ELP4: variants seen among roughly 807,000 people sequenced by gnomAD.
The protein encoded by ELP4 is elongator acetyltransferase complex subunit 4, also known as elongator complex protein 4.
ELP4 carries 51 observed loss-of-function variants against 48.9 expected under a neutral mutation model. The observed-to-expected ratio is 1.04, with a 90% CI of 0.83 to 1.32. The LOEUF is 1.32. ELP4 is among the 40% of genes most tolerant of loss of function. The probability of loss-of-function intolerance (pLI) is 0.00; values close to 1 mark genes in which losing one functional copy is unlikely to be tolerated. For missense variants in ELP4, 519 were observed against 514.6 expected (o/e 1.01, Z -0.08); for synonymous variants, 210 against 189.2 (o/e 1.11, Z -0.90).
At chr11:31,692,704 G>C (rs571366493) in intron 9 of ELP4, among the ~76,000 whole-genome samples, 4 of 152,040 alleles carry the variant, frequency 2.6e-5, no homozygotes, top group Non-Finnish European at 1.5e-5. Flanking sequence ...TTCCTCGAAG[G>C]CTCATTCACA....
chr11:31,577,156 C>A (rs994497607), intron 3 of ELP4, among the ~76,000 whole-genome samples: 1 of 152,144 alleles, frequency 6.6e-6, no homozygotes, highest in Admixed American at 6.6e-5. Flanking sequence ...ACTATAAACA[C>A]CTCTACGCAA....
intron 1 of ELP4, among the ~76,000 whole-genome samples, chr11:31,516,648 C>T (rs936593973): frequency 9.9e-5 from 15 of 152,088 alleles, no homozygotes; most frequent in African/African-American, 3.4e-4. Context: ...GGTGGCAGCA[C>T]GCCTTGCTAA....
intron 9 of ELP4, among the ~76,000 whole-genome samples, chr11:31,773,939 G>A (rs138198907): frequency 0.011 from 1,697 of 152,300 alleles, 30 homozygotes; most frequent in African/African-American, 0.039. Context: ...CAGCTGCTCA[G>A]GAGGCTGAGG....
At chr11:31,700,194 C>T (rs190582257) in intron 9 of ELP4, among the ~76,000 whole-genome samples, 32 of 150,900 alleles carry the variant, frequency 2.1e-4, no homozygotes, top group African/African-American at 7.1e-4. Context: ...TATGGGTATA[C>T]GTATATGCTT....
intron 6 of ELP4, chr11:31,628,483 A>T (rs1944794226): frequency 6.6e-6 from 1 of 151,610 alleles, no homozygotes; most frequent in African/African-American, 2.4e-5. Context: ...ATACCTTAAG[A>T]ATCCTTAATA....
At chr11:31,736,099 A>G (rs2134210014) in intron 9 of ELP4, among the ~76,000 whole-genome samples, 1 of 152,302 alleles carries the variant, frequency 6.6e-6, no homozygotes, top group South Asian at 2.1e-4. Flanking sequence ...CAGTAACCAA[A>G]ACAGCATGGT....
rs984431688 is a variant in ELP4, at chr11:31,788,254, A to G, written c.*4730A>G. On this transcript the variant is annotated 3_prime_UTR_variant, in exon 10 of 10. Coordinates refer to ENST00000640961, the MANE Select transcript of ELP4 (RefSeq NM_019040.5). ...TTGGGAATGTTTGGCTTAAGCTGCCAATGACTGAAGGCCTTTAATTCCCAC... is the reference window on the plus strand; with the variant it reads ...TTGGGAATGTTTGGCTTAAGCTGCCGATGACTGAAGGCCTTTAATTCCCAC... 2 of 226,544 alleles carry G rather than the reference A, an allele frequency of 8.8e-6. No homozygotes were observed. Among genetic ancestry groups the G allele is most frequent in the African/African-American group, 4.5e-5 (2 of 44,938 alleles). The allele number at this position is 226,544 out of a possible 1,614,324, so 14.0% of individuals were successfully genotyped here.
chr11:31,687,358 A>G (rs1025908741), intron 9 of ELP4, among the ~76,000 whole-genome samples: 1 of 152,210 alleles, frequency 6.6e-6, no homozygotes, highest in African/African-American at 2.4e-5. Context: ...CAGAAGAATC[A>G]TGTGGAGTGG....
At chr11:31,702,215 A>G (rs1946539189) in intron 9 of ELP4, among the ~76,000 whole-genome samples, 2 of 152,140 alleles carry the variant, frequency 1.3e-5, no homozygotes, top group Admixed American at 1.3e-4. Context: ...AGGCAGGAGG[A>G]TCACTTGAAC....
intron 2 of ELP4, among the ~76,000 whole-genome samples, chr11:31,536,604 G>A (rs1385490583): frequency 2.0e-5 from 3 of 152,150 alleles, no homozygotes; most frequent in South Asian, 4.2e-4. Context: ...CACTTGCCTC[G>A]GCCTCTCAAA....
At chr11:31,661,027 C>A (rs1945544442) in intron 9 of ELP4, among the ~76,000 whole-genome samples, 1 of 151,900 alleles carries the variant, frequency 6.6e-6, no homozygotes, top group South Asian at 2.1e-4. Flanking sequence ...TTGTGAGATA[C>A]AAGTCATTTT....
rs560378319 is a variant in ELP4, at chr11:31,729,688, A to G, written c.1144-53705A>G. Among the ~76,000 whole-genome samples the G allele has an allele frequency of 3.3e-5, 5 of 152,302 alleles. No homozygotes were observed. The East Asian group carries it at 7.7e-4, about 23-fold the overall frequency. ...ACTCCAAAAACTGATTGCCATCTTT[A>G]TACACCCAGCCATTTTCATCAAACA... On this transcript the variant is annotated intron_variant, in intron 9 of 9. Coordinates refer to ENST00000640961, the MANE Select transcript of ELP4 (RefSeq NM_019040.5).
At chr11:31,685,211 C>A (rs1249999288) in intron 9 of ELP4, among the ~76,000 whole-genome samples, 3 of 151,888 alleles carry the variant, frequency 2.0e-5, no homozygotes, top group African/African-American at 7.3e-5. Context: ...ATTAGCCAGG[C>A]GTGGTAGTGG....
intron 9 of ELP4, among the ~76,000 whole-genome samples, chr11:31,690,568 T>A (rs577897260): frequency 6.6e-6 from 1 of 152,236 alleles, no homozygotes; most frequent in African/African-American, 2.4e-5. Context: ...TTTATCCTCT[T>A]ACACTGAATT....
chr11:31,752,589 C>G (rs1947745103), intron 9 of ELP4, among the ~76,000 whole-genome samples: 1 of 152,092 alleles, frequency 6.6e-6, no homozygotes, highest in South Asian at 2.1e-4. Flanking sequence ...AATCCCAGCA[C>G]TTTGGGAGGC....
intron 9 of ELP4, among the ~76,000 whole-genome samples, chr11:31,737,164 T>C (rs942812920): frequency 1.3e-5 from 2 of 152,312 alleles, no homozygotes; most frequent in African/African-American, 4.8e-5. Flanking sequence ...TCATGTCCTT[T>C]GTAGAGACAT....
intron 5 of ELP4, among the ~76,000 whole-genome samples, chr11:31,612,377 A>G (rs185557737): frequency 2.9e-4 from 44 of 152,306 alleles, no homozygotes; most frequent in South Asian, 2.1e-3. Context: ...GGGTTATTTC[A>G]TAGACCGGAA....
At chr11:31,663,500 A>G (rs941947340) in intron 9 of ELP4, 1 of 152,114 alleles carries the variant, frequency 6.6e-6, no homozygotes, top group Non-Finnish European at 1.5e-5. Flanking sequence ...AACTTTTGAT[A>G]ACTGAATATT....
intron 5 of ELP4, among the ~76,000 whole-genome samples, chr11:31,625,695 G>A (rs767627987): frequency 1.3e-5 from 2 of 151,690 alleles, no homozygotes; most frequent in Admixed American, 6.6e-5. Context: ...TCATCAGATC[G>A]TTGGCTGGAA....
Sources: gnomAD v4.1 joint callset for allele counts (sites outside exome capture counted in the v4.1 genomes callset) on GRCh38, gnomAD v4.1.1 for gene constraint, MANE v1.5 for transcripts, NCBI Gene and HGNC (gene_info 2026-07-23, HGNC 2026-07-21) for gene names.